Variants in PARVB observed in about 807,000 individuals in gnomAD.
PARVB encodes beta-parvin.
Under a neutral mutation model 47.0 loss-of-function variants are expected in PARVB, and 46 were observed. That is an observed-to-expected ratio of 0.98 (90% CI 0.77 to 1.25). PARVB has a LOEUF of 1.25. PARVB is among the 50% of genes most tolerant of loss of function. PARVB has a pLI of 0.00. For synonymous variants in PARVB, 196 were observed against 196.3 expected, an observed-to-expected ratio of 1.00 and a Z score of 0.01; for missense variants, 473 against 471.6, an observed-to-expected ratio of 1.00 and a Z score of -0.03.
chr22:44,054,130 C>G (rs1318131653), intron 1 of PARVB, among the ~76,000 whole-genome samples: 2 of 152,118 alleles, frequency 1.3e-5, no homozygotes, highest in Non-Finnish European at 1.5e-5. Flanking sequence ...GAGTGAGGGT[C>G]TCATTACTTA....
chr22:44,057,496 T>A (rs1471702854), intron 1 of PARVB, among the ~76,000 whole-genome samples: 1 of 151,646 alleles, frequency 6.6e-6, no homozygotes, highest in Non-Finnish European at 1.5e-5. Flanking sequence ...CTGAGAGCTG[T>A]CCAAGGGGGG....
intron 6 of PARVB, 59 bp from the exon 7 acceptor site, chr22:44,136,401 G>A (rs951223861): frequency 1.8e-5 from 26 of 1,475,042 alleles, no homozygotes; most frequent in Admixed American, 1.7e-4. Context: ...TGCCCTGTCA[G>A]TGCATCTTTC....
At chr22:44,130,743 C>T (rs1316534560) in intron 4 of PARVB, among the ~76,000 whole-genome samples, 1 of 152,204 alleles carries the variant, frequency 6.6e-6, no homozygotes, top group Non-Finnish European at 1.5e-5. Context: ...CTCCCACTTT[C>T]ATTCTTCCCA....
intron 3 of PARVB, among the ~76,000 whole-genome samples, chr22:44,116,742 T>C (rs6006655): frequency 0.36 from 55,219 of 151,652 alleles, 10,293 homozygotes; most frequent in Middle Eastern, 0.5. Context: ...AGAGCTGTGA[T>C]GGGGGATGCT....
chr22:44,043,458 A>G (rs2146922444), intron 1 of PARVB, among the ~76,000 whole-genome samples: 1 of 152,238 alleles, frequency 6.6e-6, no homozygotes, highest in East Asian at 1.9e-4. Context: ...AGCTCACTGC[A>G]AGCTCCGCCT....
chr22:44,069,120 G>A (rs779626714), intron 1 of PARVB: 4 of 1,612,366 alleles, frequency 2.5e-6, no homozygotes, highest in East Asian at 2.2e-5. Context: ...TCCGCCGGCT[G>A]TGCTGGTCTG....
intron 1 of PARVB, among the ~76,000 whole-genome samples, chr22:44,081,011 C>T (rs1221656756): frequency 6.6e-6 from 1 of 152,180 alleles, no homozygotes; most frequent in South Asian, 2.1e-4. Context: ...GAGTGACTCT[C>T]CACCTGCCGT....
At chr22:44,133,137 A>G in intron 6 of PARVB, 128 bp downstream of exon 6, 1 of 575,078 alleles carries the variant, frequency 1.7e-6, no homozygotes, top group Admixed American at 3.4e-5. Context: ...TTCCCTTTTG[A>G]CAAAATGTGT....
intron 3 of PARVB, chr22:44,115,053 C>G (rs2052841757): frequency 1.2e-5 from 1 of 86,932 alleles, no homozygotes; most frequent in South Asian, 4.3e-4. Flanking sequence ...CTAAGTAAGG[C>G]CCTGCACCAA....
At chr22:44,109,929 C>T (rs553947008) in intron 3 of PARVB, 19 of 151,182 alleles carry the variant, frequency 1.3e-4, no homozygotes, top group African/African-American at 4.1e-4. Flanking sequence ...CCGGCTAAAA[C>T]GGTGAAACCC....
chr22:44,077,246 G>A (rs1053095968), intron 1 of PARVB, among the ~76,000 whole-genome samples: 4 of 152,204 alleles, frequency 2.6e-5, no homozygotes, highest in Non-Finnish European at 4.4e-5. Flanking sequence ...GCCTCTTCCA[G>A]GCTGTGGTGG....
chr22:44,010,766 G>A (rs2050513872), intron 2 of PARVB, among the ~76,000 whole-genome samples: 1 of 151,908 alleles, frequency 6.6e-6, no homozygotes, highest in Admixed American at 6.6e-5. Flanking sequence ...AGTGAAGGAT[G>A]AGTTTACGTT....
At chr22:44,044,927 T>A (rs1157618013) in intron 1 of PARVB, among the ~76,000 whole-genome samples, 2 of 152,228 alleles carry the variant, frequency 1.3e-5, no homozygotes, top group Non-Finnish European at 2.9e-5. Flanking sequence ...ATAAGCACAC[T>A]GACGTTTGCT....
intron 1 of PARVB, among the ~76,000 whole-genome samples, chr22:44,029,909 CAA>C (rs1186005189): frequency 2.0e-5 from 2 of 99,448 alleles, no homozygotes; most frequent in Admixed American, 9.5e-5. Context: ...GACTCTGCCT[CAA>C]AAAAAAAAAA....
At position 44,005,556 on chromosome 22, in the gene PARVB, A is replaced by G. The variant is rs1357595402; in HGVS notation, c.211+5883A>G. 3.3e-5 allele frequency among the ~76,000 whole-genome samples: 5 copies of G among 152,122 alleles called. No homozygotes were observed. In the East Asian group the frequency reaches 9.7e-4, roughly 29 times the overall value. ...AGTGCAGTGGTGCTGAGGCAGGAGA[A>G]TGGGTTCTGGAGGCAGGGTACCTAA... On this transcript the variant is annotated intron_variant, in intron 2 of 13. Transcript: ENST00000406477.
chr22:44,134,260 A>G (rs914586474), intron 6 of PARVB, among the ~76,000 whole-genome samples: 1 of 151,898 alleles, frequency 6.6e-6, no homozygotes, highest in Non-Finnish European at 1.5e-5. Context: ...TTTCCTTCCT[A>G]AGGAGGATGT....
chr22:44,113,235 G>A (rs370031964), intron 3 of PARVB: 85 of 30,220 alleles, frequency 2.8e-3, no homozygotes, highest in South Asian at 8.1e-3. Flanking sequence ...ACACAGATAC[G>A]TTGTTACTAA....
At position 44,171,835 on chromosome 22, in the gene PARVB, T is replaced by TTTTTTG. The variant is rs2054272207; in HGVS notation, c.*3157_*3158insTTTTTG. 6.7e-6 allele frequency: 1 copy of TTTTTTG among 150,322 alleles called. No homozygotes were observed. Among genetic ancestry groups the TTTTTTG allele is most frequent in the African/African-American group, 2.5e-5 (1 of 40,672 alleles). 9.3% of individuals were successfully genotyped at this position (150,322 alleles called of 1,614,324 possible). ...ATGTGATTTTTTTTTTTTTTTTTTT[T>TTTTTTG]GAGATAAGTTCTCACTGCGTTGCCC... On this transcript the variant is annotated 3_prime_UTR_variant, in exon 13 of 13. Coordinates refer to ENST00000338758, the MANE Select transcript of PARVB (RefSeq NM_013327.5).
At chr22:44,110,562 A>AAAT (rs1300199957) in intron 3 of PARVB, 3 of 151,902 alleles carry the variant, frequency 2.0e-5, no homozygotes, top group Non-Finnish European at 2.9e-5. Flanking sequence ...GCAATCCAGG[A>AAAT]GTCCTTTGAA....
Sources: gnomAD v4.1 joint callset for allele counts (sites outside exome capture counted in the v4.1 genomes callset) on GRCh38, gnomAD v4.1.1 for gene constraint, MANE v1.5 for transcripts, NCBI Gene and HGNC (gene_info 2026-07-23, HGNC 2026-07-21) for gene names.